The following TSSK1B variants were observed in gnomAD, a reference collection of about 807,000 sequenced individuals.
The protein encoded by TSSK1B is testis specific serine kinase 1B.
A neutral mutation model predicts 4.0 loss-of-function variants in TSSK1B; 2 were observed. The ratio of observed to expected loss-of-function variants is 0.50; its 90% CI spans 0.20 to 1.57. TSSK1B has a LOEUF of 1.57. TSSK1B is among the 40% of genes most tolerant of loss of function. The pLI, the probability that TSSK1B is intolerant of heterozygous loss-of-function variation, is 0.22. For synonymous variants in TSSK1B, 198 were observed against 200.7 expected (o/e 0.99, Z 0.11); for missense variants, 488 against 495.1 (o/e 0.99, Z 0.14).
rs1286026401 is a variant in TSSK1B, at chr5:113,434,653, T to C, written c.187A>G (p.Ile63Val). The change falls in exon 1 of 1, where the codon ATT (isoleucine) becomes GTT (valine). Residue 63 changes from isoleucine to valine, a missense_variant. Transcript: ENST00000390666. This position sits in a 1 kb window ranked among gnomAD's most constrained non-coding sequence, Gnocchi z 4.2. ...LEKFLPREIE[I>V]LAMLNHCSII... ...GAGCAGTGGTTTAACATGGCCAGAA[T>C]CTCAATTTCCCGGGGAAGGAATTTC... 2 of 1,613,884 alleles carry C rather than the reference T, an allele frequency of 1.2e-6. No individual in the cohort carries two copies. The highest frequency in any genetic ancestry group is 8.5e-7 in the Non-Finnish European group (1 of 1,179,880).
chr5:113,434,070 A>G lies in TSSK1B; in HGVS notation c.770T>C (p.Val257Ala). ...CTCGTCGATGTGGAGCCGCCGGTTG[A>G]CGTCGGGCTGCAGCATGTGGTAGAT... is the stretch of plus-strand genomic sequence containing the variant. ...DLIYHMLQPD[V>A]NRRLHIDEIL... Residue 257 changes from valine (V) to alanine (A), a missense_variant, in exon 1 of 1, where the codon GTC becomes GCC. Transcript: ENST00000390666. The surrounding 1 kb of genome is among the most constrained non-coding windows in gnomAD (Gnocchi z 4.2). 6.2e-7 allele frequency: 1 copy of G among 1,614,090 alleles called. No homozygotes were observed. The highest frequency in any genetic ancestry group is 8.5e-7 in the Non-Finnish European group (1 of 1,179,980).
rs149496905 is a variant in TSSK1B, at chr5:113,434,381, G to A, written c.459C>T (p.Ser153=). ...GGCAGCGCTTGGAGAAGCTGAAGTC[G>A]GACAGCTTGATGTTGAAGTCCTTGT... ...LLDKDFNIKL[S]DFSFSKRCLR... Residue 153 remains serine (S), a synonymous_variant, in exon 1 of 1, where the codon TCC becomes TCT. Transcript: ENST00000390666. This position sits in a 1 kb window ranked among gnomAD's most constrained non-coding sequence, Gnocchi z 4.2. 99 of 1,613,846 alleles carry A rather than the reference G, an allele frequency of 6.1e-5. No individual in the cohort carries two copies. The highest frequency in any genetic ancestry group is 1.4e-4 in the South Asian group (13 of 91,020).
In TSSK1B at chr5:113,434,923, G is replaced by A. The variant is rs1770803901; in HGVS notation, c.-84C>T. 1 of 1,500,798 alleles carries A rather than the reference G, an allele frequency of 6.7e-7. No individual in the cohort carries two copies. The highest frequency in any genetic ancestry group is 8.9e-7 in the Non-Finnish European group (1 of 1,117,800). 93.0% of individuals were successfully genotyped at this position (1,500,798 alleles called of 1,614,324 possible). A position where few individuals can be genotyped will look rare whatever the true frequency, so the allele number is the denominator to read the frequency against. On this transcript the variant is annotated 5_prime_UTR_variant, in exon 1 of 1. Transcript: ENST00000390666. The surrounding 1 kb of genome is among the most constrained non-coding windows in gnomAD (Gnocchi z 4.2). ...CCAGCAGTGTGCTCATTTACATCCT[G>A]GATAGAGAGTCCTTTGGGCTGGCCA...
Position 113,433,589 on chromosome 5 carries a change from G to T in TSSK1B, c.*147C>A. ...TAGGGGCCACGGGAGAACCATGTGGGTTACCAAGTTCAAGGGGAGAGAGAA... is the reference window on the plus strand; with the variant it reads ...TAGGGGCCACGGGAGAACCATGTGGTTTACCAAGTTCAAGGGGAGAGAGAA... On this transcript the variant is annotated 3_prime_UTR_variant, in exon 1 of 1. Transcript: ENST00000390666. 9.4e-7 allele frequency: 1 copy of T among 1,067,086 alleles called. No homozygotes were observed. 66.1% of individuals were successfully genotyped at this position (1,067,086 alleles called of 1,614,324 possible).
rs370579485 is a variant in TSSK1B at position 113,433,847 on chromosome 5, T to C, written c.993A>G (p.Thr331=). 186 of 1,613,938 alleles carry C rather than the reference T, an allele frequency of 1.2e-4. 1 individual carries two copies. Among genetic ancestry groups the C allele is most frequent in the Non-Finnish European group, 9.0e-5 (106 of 1,179,914 alleles). The change falls in exon 1 of 1, where the codon ACA becomes ACG. Residue 331 remains threonine (T), a synonymous_variant. Transcript: ENST00000390666. ...CCGACTGCCTGGACATTTGCATTGC[T>C]GTCCCCTCGGGTTTTGTCTCAGGCT... is the stretch of plus-strand genomic sequence containing the variant. ...QAQPETKPEG[T]AMQMSRQSEI...
chr5:113,434,036 G>A lies in TSSK1B; in HGVS notation c.804C>T (p.Ser268=). The A allele has an allele frequency of 6.2e-7, 1 of 1,614,066 alleles. No individual in the cohort carries two copies. Among genetic ancestry groups the A allele is most frequent in the Non-Finnish European group, 8.5e-7 (1 of 1,179,914 alleles). The part of the protein sequence containing the change: ...NRRLHIDEIL[S]HCWMQPKARG... ...GTGCCTTGGGCTGCATCCAGCAGTGGCTGAGGATCTCGTCGATGTGGAGCC... is the reference window on the plus strand; with the variant it reads ...GTGCCTTGGGCTGCATCCAGCAGTGACTGAGGATCTCGTCGATGTGGAGCC... The change falls in exon 1 of 1, where the codon AGC becomes AGT. Residue 268 remains serine (S), a synonymous_variant. Transcript: ENST00000390666. The surrounding 1 kb of genome is among the most constrained non-coding windows in gnomAD (Gnocchi z 4.2).
Position 113,434,031 on chromosome 5 carries a change from C to A in TSSK1B, c.809G>T (p.Cys270Phe). Residue 270 changes from cysteine (C) to phenylalanine (F), a missense_variant, in exon 1 of 1, where the codon TGC becomes TTC. Transcript: ENST00000390666. The surrounding 1 kb of genome is among the most constrained non-coding windows in gnomAD (Gnocchi z 4.2). The stretch of plus-strand genomic sequence containing the variant: ...TCCCCGTGCCTTGGGCTGCATCCAG[C>A]AGTGGCTGAGGATCTCGTCGATGTG... ...RLHIDEILSH[C>F]WMQPKARGSP... 6.2e-7 allele frequency: 1 copy of A among 1,614,054 alleles called. No homozygotes were observed. Among genetic ancestry groups the A allele is most frequent in the Non-Finnish European group, 8.5e-7 (1 of 1,179,902 alleles).
rs891741887 is a variant in TSSK1B at position 113,432,757 on chromosome 5, A to T, written c.*979T>A. 1.8e-4 allele frequency: 28 copies of T among 152,242 alleles called. No homozygotes were observed. Among genetic ancestry groups the T allele is most frequent in the African/African-American group, 6.5e-4 (27 of 41,470 alleles). 9.4% of individuals were successfully genotyped at this position (152,242 alleles called of 1,614,324 possible). On this transcript the variant is annotated 3_prime_UTR_variant, in exon 1 of 1. Coordinates refer to ENST00000390666, the MANE Select transcript of TSSK1B (RefSeq NM_032028.4). ...TTAGCATTTAAATAAAAAGTTGATA[A>T]GGAAAAAATAAAAATAAAACATTTT...
At position 113,433,843 on chromosome 5, in the gene TSSK1B, T is replaced by C. The variant is rs1428646697; in HGVS notation, c.997A>G (p.Met333Val). Reference sequence around the variant, plus strand: ...ATCTCCGACTGCCTGGACATTTGCATTGCTGTCCCCTCGGGTTTTGTCTCA... The same window carrying C: ...ATCTCCGACTGCCTGGACATTTGCACTGCTGTCCCCTCGGGTTTTGTCTCA... The part of the protein sequence containing the change: ...QPETKPEGTA[M>V]QMSRQSEILG... Residue 333 changes from methionine (M) to valine (V), a missense_variant, in exon 1 of 1, where the codon ATG (methionine) becomes GTG (valine). Physicochemically the swap from Met to Val is conservative, Grantham distance 21. Coordinates refer to ENST00000390666, the MANE Select transcript of TSSK1B (RefSeq NM_032028.4). The C allele has an allele frequency of 1.2e-6, 2 of 1,614,046 alleles. No individual in the cohort carries two copies. The highest frequency in any genetic ancestry group is 1.7e-6 in the Non-Finnish European group (2 of 1,179,900).
At position 113,434,014 on chromosome 5, in the gene TSSK1B, C is replaced by T. The variant is rs1404433291; in HGVS notation, c.826G>A (p.Ala276Thr). The T allele has an allele frequency of 1.9e-6, 3 of 1,613,918 alleles. No individual in the cohort carries two copies. In the African/African-American group the frequency reaches 4.0e-5, roughly 22 times the overall value. Residue 276 changes from alanine to threonine, a missense_variant, in exon 1 of 1, where the codon GCA becomes ACA. By Grantham distance (58) the Ala-to-Thr change is moderately conservative (BLOSUM62 0). Transcript: ENST00000390666. This position sits in a 1 kb window ranked among gnomAD's most constrained non-coding sequence, Gnocchi z 4.2. ...ATGGCCACAGAGGGAGATCCCCGTG[C>T]CTTGGGCTGCATCCAGCAGTGGCTG... ...ILSHCWMQPK[A>T]RGSPSVAINK...
chr5:113,433,940 G>A lies in TSSK1B; in HGVS notation c.900C>T (p.Pro300=), dbSNP rs765421466. 26 of 1,613,854 alleles carry A rather than the reference G, an allele frequency of 1.6e-5. No homozygotes were observed. Among genetic ancestry groups the A allele is most frequent in the Admixed American group, 5.0e-5 (3 of 60,006 alleles). The change falls in exon 1 of 1, where the codon CCC becomes CCT. Residue 300 remains proline (P), a synonymous_variant. Coordinates refer to ENST00000390666, the MANE Select transcript of TSSK1B (RefSeq NM_032028.4). ...CAGACTTCTTGTCAGAGCCAGGTTC[G>A]GGGGTCCACAAGGGTTCAGTTCCCC... ...SSRGTEPLWT[P]EPGSDKKSAT...
In TSSK1B at chr5:113,433,887, G is replaced by T. The variant is rs757711235; in HGVS notation, c.953C>A (p.Ala318Glu). ...SATKLEPEGE[A>E]QPQAQPETKP... The stretch of plus-strand genomic sequence containing the variant: ...TGTCTCAGGCTGTGCCTGGGGCTGT[G>T]CCTCTCCCTCAGGCTCCAGCTTGGT... The change falls in exon 1 of 1, where the codon GCA (alanine) becomes GAA (glutamate). Residue 318 changes from alanine (A) to glutamate (E), a missense_variant. Physicochemically the swap from Ala to Glu is moderately radical, Grantham distance 107. Coordinates refer to ENST00000390666, the MANE Select transcript of TSSK1B (RefSeq NM_032028.4). 1.2e-6 allele frequency: 2 copies of T among 1,614,054 alleles called. No individual in the cohort carries two copies. Among genetic ancestry groups the T allele is most frequent in the Admixed American group, 1.7e-5 (1 of 60,032 alleles).
rs1770770901 is a variant in TSSK1B at position 113,434,217 on chromosome 5, A to G, written c.623T>C (p.Ile208Thr). The G allele has an allele frequency of 1.2e-6, 2 of 1,614,036 alleles. No individual in the cohort carries two copies. Among genetic ancestry groups the G allele is most frequent in the Non-Finnish European group, 1.7e-6 (2 of 1,179,954 alleles). Residue 208 changes from isoleucine (I) to threonine (T), a missense_variant, in exon 1 of 1, where the codon ATC becomes ACC. Ile to Thr is a moderately conservative substitution (Grantham distance 89, BLOSUM62 -1). Coordinates refer to ENST00000390666, the MANE Select transcript of TSSK1B (RefSeq NM_032028.4). The surrounding 1 kb of genome is among the most constrained non-coding windows in gnomAD (Gnocchi z 4.2). ...GTAGGGCATGGAGCCGCAGACCATG[A>G]TGTAGAGGATCACGCCTAGGCTCCA... is the stretch of plus-strand genomic sequence containing the variant. ...DIWSLGVILYIMVCGSMPYDD... is the reference protein window; with the variant it reads ...DIWSLGVILYTMVCGSMPYDD...
rs1164407505 is a variant in TSSK1B at position 113,434,043 on chromosome 5, A to AGCCC, written c.796_797insGGGC (p.Ile266ArgfsTer31). 2.5e-6 allele frequency: 4 copies of AGCCC among 1,613,902 alleles called. No individual in the cohort carries two copies. The highest frequency in any genetic ancestry group is 3.4e-6 in the Non-Finnish European group (4 of 1,179,916). On this transcript the variant is annotated frameshift_variant, in exon 1 of 1. Transcript: ENST00000390666. LOFTEE classifies it low-confidence loss of function (END_TRUNC). This position sits in a 1 kb window ranked among gnomAD's most constrained non-coding sequence, Gnocchi z 4.2. ...GGGCTGCATCCAGCAGTGGCTGAGG[A>AGCCC]TCTCGTCGATGTGGAGCCGCCGGTT... is the stretch of plus-strand genomic sequence containing the variant.
chr5:113,433,319 C>A lies in TSSK1B; in HGVS notation c.*417G>T. ...CCCCTGACCCTCAGTCTGGCCCGGT[C>A]TGGCCTCCCAGCAGGGTCACGCAAC... On this transcript the variant is annotated 3_prime_UTR_variant, in exon 1 of 1. Coordinates refer to ENST00000390666, the MANE Select transcript of TSSK1B (RefSeq NM_032028.4). 3.2e-6 allele frequency: 1 copy of A among 311,502 alleles called. No homozygotes were observed. Among genetic ancestry groups the A allele is most frequent in the South Asian group, 3.0e-5 (1 of 33,254 alleles). The allele number at this position is 311,502 out of a possible 1,614,324, so 19.3% of individuals were successfully genotyped here. A position where few individuals can be genotyped will look rare whatever the true frequency, so the allele number is the denominator to read the frequency against.
In TSSK1B at chr5:113,434,969, T is replaced by A; in HGVS notation, c.-130A>T. ...GGCCAGGCCTGCTGTTCCTGCCTCC[T>A]AGAGGCCAAGACTCTGGAGTGGAAC... On this transcript the variant is annotated 5_prime_UTR_variant, in exon 1 of 1. Transcript: ENST00000390666. The surrounding 1 kb of genome is among the most constrained non-coding windows in gnomAD (Gnocchi z 4.2). 1 of 1,148,372 alleles carries A rather than the reference T, an allele frequency of 8.7e-7. No individual in the cohort carries two copies. The highest frequency in any genetic ancestry group is 1.2e-6 in the Non-Finnish European group (1 of 819,266). The allele number at this position is 1,148,372 out of a possible 1,614,324, so 71.1% of individuals were successfully genotyped here.
In TSSK1B at chr5:113,433,698, G is replaced by T; in HGVS notation, c.*38C>A. The T allele has an allele frequency of 6.3e-7, 1 of 1,581,150 alleles. No homozygotes were observed. Among genetic ancestry groups the T allele is most frequent in the Non-Finnish European group, 8.6e-7 (1 of 1,163,364 alleles). On this transcript the variant is annotated 3_prime_UTR_variant, in exon 1 of 1. Coordinates refer to ENST00000390666, the MANE Select transcript of TSSK1B (RefSeq NM_032028.4). Reference sequence around the variant, plus strand: ...GACTTCTTCAGAGCTTGGGCTTTAAGCCGTGAGCTCCATCTCATTCCCTGG... The same window carrying T: ...GACTTCTTCAGAGCTTGGGCTTTAATCCGTGAGCTCCATCTCATTCCCTGG...
rs1770731564 is a variant in TSSK1B at position 113,433,491 on chromosome 5, C to G, written c.*245G>C. Reference sequence around the variant, plus strand: ...ACAGGCTCTGTGTCCAGCACCTGCTCCGGGTCACGCTCTGGGGGAGTAGGA... The same window carrying G: ...ACAGGCTCTGTGTCCAGCACCTGCTGCGGGTCACGCTCTGGGGGAGTAGGA... On this transcript the variant is annotated 3_prime_UTR_variant, in exon 1 of 1. Transcript: ENST00000390666. 2.3e-5 allele frequency: 14 copies of G among 616,278 alleles called. No homozygotes were observed. The South Asian group carries it at 2.6e-4, about 11-fold the overall frequency. The allele number at this position is 616,278 out of a possible 1,614,324, so 38.2% of individuals were successfully genotyped here. A position where few individuals can be genotyped will look rare whatever the true frequency, so the allele number is the denominator to read the frequency against.
In TSSK1B at chr5:113,433,354, GA is replaced by G. The variant is rs1770726096; in HGVS notation, c.*381del. 1 of 412,972 alleles carries G rather than the reference GA, an allele frequency of 2.4e-6. No individual in the cohort carries two copies. The highest frequency in any genetic ancestry group is 2.1e-5 in the South Asian group (1 of 47,070). The allele number at this position is 412,972 out of a possible 1,614,324, so 25.6% of individuals were successfully genotyped here. On this transcript the variant is annotated 3_prime_UTR_variant, in exon 1 of 1. Coordinates refer to ENST00000390666, the MANE Select transcript of TSSK1B (RefSeq NM_032028.4). ...AGCAGGGTCACGCAACTGCCCCGGG[GA>G]CGATGAAAGGAGGATAAATGGTGCC...
Sources: allele counts gnomAD v4.1 joint callset, GRCh38; gene constraint gnomAD v4.1.1; non-coding constraint Gnocchi (gnomAD v3.1); transcripts MANE v1.5; gene names NCBI Gene and HGNC (gene_info 2026-07-23, HGNC 2026-07-21).